GARIN2: variants seen among roughly 807,000 people sequenced by gnomAD.
GARIN2 encodes the protein golgi associated RAB2 interactor family member 2.
chr14:67,225,122 C>T, the GARIN2 span: 1 of 1,573,544 alleles, frequency 6.4e-7, no homozygotes, highest in Non-Finnish European at 8.6e-7. Context: ...CTCTAGTTCT[C>T]TCCCCTCATA....
chr14:67,225,043 G>A, the GARIN2 span: 1 of 1,364,178 alleles, frequency 7.3e-7, no homozygotes, highest in Non-Finnish European at 9.8e-7. Context: ...CCTGCTTTTG[G>A]CTTTTTTTCT....
chr14:67,226,377 T>C, the GARIN2 span, among the ~76,000 whole-genome samples: 1 of 151,794 alleles, frequency 6.6e-6, no homozygotes, highest in African/African-American at 2.4e-5. Context: ...GTTTTGTTTT[T>C]TTGAGACGGA....
At chr14:67,198,463 A>G in the GARIN2 span, 1 of 739,250 alleles carries the variant, frequency 1.4e-6, no homozygotes, top group Non-Finnish European at 2.1e-6. Flanking sequence ...TGGGAACTTT[A>G]AAAAACCTGA....
At chr14:67,203,261 A>C in the GARIN2 span, 1 of 1,603,364 alleles carries the variant, frequency 6.2e-7, no homozygotes, top group Non-Finnish European at 8.5e-7. Flanking sequence ...GTCTCCTGAC[A>C]TCTCCTCCTG....
chr14:67,192,819 T>C, the GARIN2 span, among the ~76,000 whole-genome samples: 17 of 146,970 alleles, frequency 1.2e-4, no homozygotes, highest in Non-Finnish European at 2.2e-4. Context: ...TAGATATCTA[T>C]ATGTACAGAT....
At chr14:67,208,538 T>C in the GARIN2 span, 50 of 1,342,752 alleles carry the variant, frequency 3.7e-5, no homozygotes, top group Non-Finnish European at 4.8e-5. Context: ...CTCAGGCATC[T>C]GCCACTGAAG....
At chr14:67,205,392 G>T in the GARIN2 span, among the ~76,000 whole-genome samples, 2 of 152,096 alleles carry the variant, frequency 1.3e-5, no homozygotes, top group Admixed American at 6.5e-5. Flanking sequence ...CATATTACTT[G>T]TGTGACTTCA....
the GARIN2 span, among the ~76,000 whole-genome samples, chr14:67,219,328 A>C: frequency 6.6e-6 from 1 of 152,116 alleles, no homozygotes; most frequent in African/African-American, 2.4e-5. Flanking sequence ...TCTAGTCCAC[A>C]TGGGTGATAT....
the GARIN2 span, among the ~76,000 whole-genome samples, chr14:67,197,954 C>A: frequency 6.6e-6 from 1 of 152,226 alleles, no homozygotes; most frequent in South Asian, 2.1e-4. Context: ...AGAGTGTAAG[C>A]TGAATGAGGG....
chr14:67,200,330 T>C, the GARIN2 span: 1 of 652,696 alleles, frequency 1.5e-6, no homozygotes, highest in Non-Finnish European at 2.7e-6. Flanking sequence ...CTCAGTAAAT[T>C]CACATTTTCC....
the GARIN2 span, among the ~76,000 whole-genome samples, chr14:67,201,187 G>A: frequency 3.9e-5 from 6 of 152,092 alleles, no homozygotes; most frequent in African/African-American, 7.2e-5. Flanking sequence ...CTAGCTACTC[G>A]GAAGGCTGAG....
At chr14:67,206,374 T>C in the GARIN2 span, among the ~76,000 whole-genome samples, 4 of 152,098 alleles carry the variant, frequency 2.6e-5, no homozygotes, top group Non-Finnish European at 4.4e-5. Flanking sequence ...TGGGTGCCTG[T>C]AATCCCAGCT....
At chr14:67,205,933 C>T in the GARIN2 span, among the ~76,000 whole-genome samples, 4 of 152,270 alleles carry the variant, frequency 2.6e-5, no homozygotes, top group East Asian at 1.9e-4. Context: ...TCTGTAATCC[C>T]GGCACTTTGG....
the GARIN2 span, chr14:67,199,568 C>T: frequency 5.0e-6 from 8 of 1,595,278 alleles, no homozygotes; most frequent in Non-Finnish European, 6.9e-6. Flanking sequence ...CCTCTGTAAC[C>T]ACCCTATCAC....
the GARIN2 span, among the ~76,000 whole-genome samples, chr14:67,212,876 A>G: frequency 6.7e-6 from 1 of 150,298 alleles, no homozygotes; most frequent in South Asian, 2.1e-4. Context: ...TCACAATCCC[A>G]GAGCCTCTAG....
chr14:67,226,933 CAG>C, the GARIN2 span, among the ~76,000 whole-genome samples: 1 of 152,154 alleles, frequency 6.6e-6, no homozygotes, highest in Non-Finnish European at 1.5e-5. Flanking sequence ...TCCACCTAGA[CAG>C]AGTCTGAAGC....
chr14:67,208,172 C>G, the GARIN2 span: 1 of 1,610,954 alleles, frequency 6.2e-7, no homozygotes, highest in South Asian at 1.1e-5. Context: ...CTTCTGTTAC[C>G]TGATTTGCTG....
the GARIN2 span, among the ~76,000 whole-genome samples, chr14:67,195,725 G>A: frequency 4.9e-4 from 55 of 112,126 alleles, no homozygotes; most frequent in Middle Eastern, 4.3e-3. Flanking sequence ...GTGTGTGTGT[G>A]TGTGTGTGTG....
the GARIN2 span, among the ~76,000 whole-genome samples, chr14:67,215,864 C>A: frequency 3.3e-5 from 5 of 152,072 alleles, no homozygotes; most frequent in Non-Finnish European, 5.9e-5. Context: ...AAAATCATAC[C>A]ACAAATCAAA....
Sources: allele counts gnomAD v4.1 joint callset (sites outside exome capture counted in the v4.1 genomes callset), GRCh38; gene constraint gnomAD v4.1.1; transcripts MANE v1.5; gene names NCBI Gene and HGNC (gene_info 2026-07-23, HGNC 2026-07-21).